LRRC43: variants seen among roughly 807,000 people sequenced by gnomAD.
The protein encoded by LRRC43 is leucine-rich repeat-containing protein 43.
Under a neutral mutation model 64.3 loss-of-function variants are expected in LRRC43, and 62 were observed. The observed-to-expected ratio is 0.96, with a 90% CI of 0.79 to 1.19. LRRC43 has a LOEUF of 1.19. LRRC43 is among the 50% of genes most tolerant of loss of function. The pLI is 0.00. For missense variants in LRRC43, 868 were observed against 845.0 expected (o/e 1.03, Z -0.34); for synonymous variants, 422 against 382.3 (o/e 1.10, Z -1.21).
In LRRC43 at chr12:122,190,133, C is replaced by G. The variant is rs748450769; in HGVS notation, c.666C>G (p.Pro222=). The change falls in exon 5 of 12, where the codon CCC becomes CCG. Residue 222 remains proline, a synonymous_variant. Transcript: ENST00000339777. ...ESLYVTANHW[P]NLVSLDLGFN... is the part of the protein sequence containing the mutation. ...GACGGTCCTGCTCACCTTCCAGGCC[C>G]AACCTCGTCTCCCTGGACCTGGGCT... is the stretch of plus-strand genomic sequence containing the variant. 6.2e-7 allele frequency: 1 copy of G among 1,613,988 alleles called. No homozygotes were observed. The highest frequency in any genetic ancestry group is 1.7e-5 in the Admixed American group (1 of 60,016).
intron 7 of LRRC43, among the ~76,000 whole-genome samples, chr12:122,198,962 T>C (rs1371207205): frequency 6.7e-6 from 1 of 149,642 alleles, no homozygotes; most frequent in Non-Finnish European, 1.5e-5. Context: ...CCAGTTATTA[T>C]TGTCATATGT....
intron 3 of LRRC43, 148 bp downstream of exon 3, chr12:122,186,448 T>A (rs1953645812): frequency 1.6e-6 from 1 of 609,498 alleles, no homozygotes; most frequent in Non-Finnish European, 2.9e-6. Flanking sequence ...CCTAGAAAAG[T>A]TCAACATAGA....
At chr12:122,190,421 C>T (rs2136044156) in intron 5 of LRRC43, 53 bp downstream of exon 5, 3 of 1,426,392 alleles carry the variant, frequency 2.1e-6, no homozygotes, top group South Asian at 1.2e-5. Context: ...CCAGCCTGCG[C>T]CTGGCTGTGC....
rs1953737163 is a variant in LRRC43, at chr12:122,193,071, G to A, written c.1349+67G>A. On this transcript the variant is annotated intron_variant, in intron 7 of 11. Coordinates refer to ENST00000339777, the MANE Select transcript of LRRC43 (RefSeq NM_001098519.2). Reference sequence around the variant, plus strand: ...TAGGGTCACGAGCCTAGACCACACTGCGACCTTCCATTAAAAGTCCTGAGG... The same window carrying A: ...TAGGGTCACGAGCCTAGACCACACTACGACCTTCCATTAAAAGTCCTGAGG... The A allele has an allele frequency of 2.6e-6, 4 of 1,530,590 alleles. No homozygotes were observed. In the Admixed American group the frequency reaches 7.7e-5, roughly 29 times the overall value. 94.8% of individuals were successfully genotyped at this position (1,530,590 alleles called of 1,614,324 possible). A position where few individuals can be genotyped will look rare whatever the true frequency, so the allele number is the denominator to read the frequency against.
chr12:122,190,010 G>T (rs1297985863), intron 4 of LRRC43, 120 bp from the exon 5 acceptor site: 2 of 834,058 alleles, frequency 2.4e-6, no homozygotes, highest in Non-Finnish European at 2.0e-6. Flanking sequence ...TAGGACAGGG[G>T]TGCAGGCCGT....
chr12:122,176,535 G>GTTTT (rs386378008), intron 1 of LRRC43, among the ~76,000 whole-genome samples: 7 of 144,330 alleles, frequency 4.8e-5, no homozygotes, highest in Admixed American at 2.8e-4. Flanking sequence ...CTTTTGTTTT[G>GTTTT]TTTTTTTTTT....
rs1386827039 is a variant in LRRC43 at position 122,184,343 on chromosome 12, C to T, written c.151-176C>T. ...TCTCTTGACCTCATGATCCGCCTGC[C>T]TCAGCCTCCCAAAGTGCTGGGATTA... On this transcript the variant is annotated intron_variant, in intron 1 of 11. Transcript: ENST00000339777. This position sits in a 1 kb window ranked among gnomAD's most constrained non-coding sequence, Gnocchi z 4.0. Among the ~76,000 whole-genome samples the T allele has an allele frequency of 5.9e-5, 9 of 152,204 alleles. No individual in the cohort carries two copies. The highest frequency in any genetic ancestry group is 2.6e-4 in the Admixed American group (4 of 15,274).
At chr12:122,178,250 A>ACAT (rs1287267859), upstream of LRRC43, among the ~76,000 whole-genome samples, 1 of 152,152 alleles carries the variant, frequency 6.6e-6, no homozygotes, top group Non-Finnish European at 1.5e-5. Flanking sequence ...CCTTCATTTT[A>ACAT]CATGACCCCT....
rs186841942 is a variant in LRRC43 at position 122,190,672 on chromosome 12, G to C, written c.901+304G>C. ...GAAGTCAGGAGTTTGAGACCAGCCT[G>C]GCCAACATGGTGAAACCTCGTCTGT... On this transcript the variant is annotated intron_variant, in intron 5 of 11. Coordinates refer to ENST00000339777, the MANE Select transcript of LRRC43 (RefSeq NM_001098519.2). Among the ~76,000 whole-genome samples the C allele has an allele frequency of 7.2e-4, 109 of 152,268 alleles. 1 individual carries two copies. Among genetic ancestry groups the C allele is most frequent in the Admixed American group, 6.9e-3 (106 of 15,290 alleles).
At chr12:122,172,236 AG>A in intron 1 of LRRC43, 1 of 576,308 alleles carries the variant, frequency 1.7e-6, no homozygotes, top group Non-Finnish European at 3.1e-6. Flanking sequence ...ATGTTTTTCA[AG>A]GTAATTCACA....
chr12:122,174,528 A>T (rs1014805236), intron 1 of LRRC43, among the ~76,000 whole-genome samples: 1 of 152,200 alleles, frequency 6.6e-6, no homozygotes, highest in Non-Finnish European at 1.5e-5. Flanking sequence ...GACAGACACG[A>T]CCATACCACC....
chr12:122,198,981 G>A (rs1405920178), intron 7 of LRRC43, among the ~76,000 whole-genome samples: 1 of 126,934 alleles, frequency 7.9e-6, no homozygotes, highest in African/African-American at 3.0e-5. Flanking sequence ...GTACTTTCAC[G>A]ATTTTTTTTT....
upstream of LRRC43, among the ~76,000 whole-genome samples, chr12:122,179,964 C>T (rs6489217): frequency 0.5 from 68,091 of 135,038 alleles, 17,180 homozygotes; most frequent in East Asian, 0.68. Flanking sequence ...AGTGAGACTC[C>T]GTCTCAAAAA....
rs762590408 is a variant in LRRC43, at chr12:122,190,162, A to G, written c.695A>G (p.Asn232Ser). ...CTCGTCTCCCTGGACCTGGGCTTCAACGACCTGACAGACCTGCAGAGCATG... is the reference window on the plus strand; with the variant it reads ...CTCGTCTCCCTGGACCTGGGCTTCAGCGACCTGACAGACCTGCAGAGCATG... ...PNLVSLDLGF[N>S]DLTDLQSMVT... The change falls in exon 5 of 12, where the codon AAC becomes AGC. Residue 232 changes from asparagine (N) to serine (S), a missense_variant. Physicochemically the swap from Asn to Ser is conservative, Grantham distance 46 (BLOSUM62 1). Transcript: ENST00000339777. The G allele has an allele frequency of 3.1e-6, 5 of 1,614,066 alleles. No homozygotes were observed. Among genetic ancestry groups the G allele is most frequent in the Admixed American group, 1.7e-5 (1 of 60,006 alleles).
Position 122,190,370 on chromosome 12 carries a change from T to C in LRRC43, c.901+2T>C, listed in dbSNP as rs1593149306. Reference sequence around the variant, plus strand: ...TCCGGGGGCTCAGCCTCAATGGCGGTGAGGGTACTGGCATGCAGGGAGGGG... The same window carrying C: ...TCCGGGGGCTCAGCCTCAATGGCGGCGAGGGTACTGGCATGCAGGGAGGGG... On this transcript the variant is annotated splice_donor_variant, in intron 5 of 11. Coordinates refer to ENST00000339777, the MANE Select transcript of LRRC43 (RefSeq NM_001098519.2). LOFTEE classifies it high-confidence loss of function. The C allele has an allele frequency of 6.2e-7, 1 of 1,610,756 alleles. No individual in the cohort carries two copies. Among genetic ancestry groups the C allele is most frequent in the East Asian group, 2.2e-5 (1 of 44,830 alleles).
In LRRC43 at chr12:122,200,272, T is replaced by G; in HGVS notation, c.1433T>G (p.Leu478Arg). ...SYEMQHSLRD[L>R]VPLKAFLLAG... ...GAGATGCAGCACTCTCTCAGGGACC[T>G]GGTCCCACTGAAGGCCTTCCTGCTG... Residue 478 changes from leucine to arginine, a missense_variant, in exon 8 of 12, where the codon CTG (leucine) becomes CGG (arginine). Leu to Arg is a moderately radical substitution (Grantham distance 102). Coordinates refer to ENST00000339777, the MANE Select transcript of LRRC43 (RefSeq NM_001098519.2). The surrounding 1 kb of genome is among the most constrained non-coding windows in gnomAD (Gnocchi z 4.6). 1 of 1,613,844 alleles carries G rather than the reference T, an allele frequency of 6.2e-7. No individual in the cohort carries two copies. The highest frequency in any genetic ancestry group is 2.2e-5 in the East Asian group (1 of 44,870).
rs1293149808 is a variant in LRRC43 at position 122,200,786 on chromosome 12, A to T, written c.1661A>T (p.Glu554Val). The part of the protein sequence containing the change: ...VLKKKKEPPK[E>V]LRQDPPILQV... ...AAGAAGAAGAAAGAGCCGCCCAAGG[A>T]GCTCCGGCAGGACCCCCCCATCCTC... Residue 554 changes from glutamate to valine, a missense_variant, in exon 10 of 12, where the codon GAG (glutamate) becomes GTG (valine). Glu to Val is a moderately radical substitution (Grantham distance 121). Coordinates refer to ENST00000339777, the MANE Select transcript of LRRC43 (RefSeq NM_001098519.2). The surrounding 1 kb of genome is among the most constrained non-coding windows in gnomAD (Gnocchi z 4.6). The T allele has an allele frequency of 1.9e-6, 3 of 1,612,860 alleles. No homozygotes were observed. Among genetic ancestry groups the T allele is most frequent in the Non-Finnish European group, 2.5e-6 (3 of 1,180,008 alleles).
At chr12:122,180,927 C>A (rs902282634), upstream of LRRC43, among the ~76,000 whole-genome samples, 3 of 152,052 alleles carry the variant, frequency 2.0e-5, no homozygotes, top group Non-Finnish European at 4.4e-5. Flanking sequence ...TTATTTTATT[C>A]TTTGAGAGCC....
intron 1 of LRRC43, chr12:122,172,436 A>G (rs748311551): frequency 6.2e-6 from 10 of 1,613,932 alleles, no homozygotes; most frequent in Admixed American, 3.3e-5. Flanking sequence ...GTTGGGCTCC[A>G]GAGGTCAATG....
Sources: allele counts gnomAD v4.1 joint callset (sites outside exome capture counted in the v4.1 genomes callset), GRCh38; gene constraint gnomAD v4.1.1; non-coding constraint Gnocchi (gnomAD v3.1); transcripts MANE v1.5; gene names NCBI Gene and HGNC (gene_info 2026-07-23, HGNC 2026-07-21).